ANTXR2: variants seen among roughly 807,000 people sequenced by gnomAD.
ANTXR2 encodes the protein ANTXR cell adhesion molecule 2, also known as anthrax toxin receptor 2.
Under a neutral mutation model 73.7 loss-of-function variants are expected in ANTXR2, and 44 were observed. The ratio of observed to expected loss-of-function variants is 0.60; its 90% confidence interval spans 0.47 to 0.77. ANTXR2 has a LOEUF of 0.77. Among genes scored for constraint, ANTXR2 ranks in the 30% least tolerant of loss-of-function variants. ANTXR2 has a pLI of 0.00. For missense variants in ANTXR2, 604 were observed against 592.5 expected, an observed-to-expected ratio of 1.02 and a Z score of -0.20; for synonymous variants, 217 against 205.9, an observed-to-expected ratio of 1.05 and a Z score of -0.46.
chr4:79,927,544 T>C (rs1188033087), intron 16 of ANTXR2, among the ~76,000 whole-genome samples: 3 of 152,188 alleles, frequency 2.0e-5, no homozygotes, highest in Non-Finnish European at 4.4e-5. Context: ...ACTTATAGTG[T>C]CTAATACAAT....
rs79901886 is a variant in ANTXR2, at chr4:80,054,481, T to C, written c.556-129A>G. 8.8e-3 allele frequency: 5,642 copies of C among 644,390 alleles called. 220 individuals carry two copies. The African/African-American group carries it at 0.091, about 10-fold the overall frequency. The allele number at this position is 644,390 out of a possible 1,614,324, so 39.9% of individuals were successfully genotyped here. A position where few individuals can be genotyped will look rare whatever the true frequency, so the allele number is the denominator to read the frequency against. On this transcript the variant is annotated intron_variant, in intron 6 of 16. Coordinates refer to ENST00000403729, the MANE Select transcript of ANTXR2 (RefSeq NM_058172.6). ...AGGATTAATTTACCAGCGTGATCTGTGTTCAAGGTCAGGAATTAAAGGTGA... is the reference window on the plus strand; with the variant it reads ...AGGATTAATTTACCAGCGTGATCTGCGTTCAAGGTCAGGAATTAAAGGTGA...
intron 16 of ANTXR2, among the ~76,000 whole-genome samples, chr4:79,972,752 A>C (rs1729462282): frequency 1.0e-4 from 1 of 10,002 alleles, no homozygotes; most frequent in African/African-American, 1.9e-4. Context: ...GGGGAATATC[A>C]CACTCTGGGG....
At chr4:79,923,589 A>G (rs1727670529) in intron 16 of ANTXR2, among the ~76,000 whole-genome samples, 2 of 152,126 alleles carry the variant, frequency 1.3e-5, no homozygotes, top group South Asian at 4.1e-4. Flanking sequence ...ACCAAGAGAC[A>G]GAAAAGATGG....
intron 2 of ANTXR2, 146 bp from the exon 3 acceptor site, chr4:80,069,653 C>T (rs930088525): frequency 4.2e-5 from 27 of 637,494 alleles, no homozygotes; most frequent in East Asian, 2.3e-4. Context: ...AGTAAATAGA[C>T]GAACTCTGCT....
At chr4:80,050,989 C>T (rs13110584) in intron 7 of ANTXR2, among the ~76,000 whole-genome samples, 94,422 of 151,378 alleles carry the variant, frequency 0.62, 30,256 homozygotes, top group East Asian at 0.95. Flanking sequence ...CCCCATACCT[C>T]CCATGATCCT....
chr4:80,017,548 C>T (rs1483166557), intron 11 of ANTXR2, among the ~76,000 whole-genome samples: 1 of 152,156 alleles, frequency 6.6e-6, no homozygotes, highest in East Asian at 1.9e-4. Context: ...ACCTATACAT[C>T]CCACATGAGT....
At chr4:80,001,255 C>A (rs891003579) in intron 12 of ANTXR2, among the ~76,000 whole-genome samples, 1 of 151,202 alleles carries the variant, frequency 6.6e-6, no homozygotes, top group Admixed American at 6.6e-5. Context: ...CATGCTGGTG[C>A]GCTGCACCCA....
chr4:79,901,960 C>T lies in ANTXR2; in HGVS notation c.*5469G>A, dbSNP rs1480382727. 1 of 152,170 alleles carries T rather than the reference C, an allele frequency of 6.6e-6. No individual in the cohort carries two copies. Among genetic ancestry groups the T allele is most frequent in the African/African-American group, 2.4e-5 (1 of 41,422 alleles). The allele number at this position is 152,170 out of a possible 1,614,324, so 9.4% of individuals were successfully genotyped here. A position where few individuals can be genotyped will look rare whatever the true frequency, so the allele number is the denominator to read the frequency against. ...GAAGTTTCACTTGCTTTCCACTCAT[C>T]TCCTGCTGTGTGGCCTGGTTTCTAA... On this transcript the variant is annotated 3_prime_UTR_variant, in exon 17 of 17. Coordinates refer to ENST00000403729, the MANE Select transcript of ANTXR2 (RefSeq NM_058172.6).
At chr4:79,915,796 C>CTCTCTG (rs1373931364) in intron 16 of ANTXR2, among the ~76,000 whole-genome samples, 93 of 144,636 alleles carry the variant, frequency 6.4e-4, no homozygotes, top group Non-Finnish European at 6.3e-4. Flanking sequence ...ACATCTTTCT[C>CTCTCTG]TCTCTGTCTC....
chr4:80,067,527 TC>T (rs1184842037), intron 3 of ANTXR2, among the ~76,000 whole-genome samples: 1 of 152,234 alleles, frequency 6.6e-6, no homozygotes, highest in South Asian at 2.1e-4. Context: ...TTAAAATGGT[TC>T]TTTTTTTTCT....
In ANTXR2 at chr4:79,907,306, T is replaced by G; in HGVS notation, c.*123A>C. ...GAAGGCAGAGAAAACATTTCCCGAC[T>G]GAGAGGAATTAAGCTGCTCTTCCAA... On this transcript the variant is annotated 3_prime_UTR_variant, in exon 17 of 17. Transcript: ENST00000403729. 2 of 1,038,886 alleles carry G rather than the reference T, an allele frequency of 1.9e-6. No homozygotes were observed. The highest frequency in any genetic ancestry group is 2.9e-6 in the Non-Finnish European group (2 of 681,904). The allele number at this position is 1,038,886 out of a possible 1,614,324, so 64.4% of individuals were successfully genotyped here.
chr4:80,047,312 TTA>T (rs1470173614), intron 7 of ANTXR2, among the ~76,000 whole-genome samples: 1 of 147,354 alleles, frequency 6.8e-6, no homozygotes. Flanking sequence ...AATGAATAAT[TTA>T]AAGGAAACTT....
At chr4:80,023,662 G>A (rs4596195) in intron 10 of ANTXR2, among the ~76,000 whole-genome samples, 72,945 of 152,004 alleles carry the variant, frequency 0.48, 20,139 homozygotes, top group East Asian at 0.93. Flanking sequence ...ACAGGATGAA[G>A]CTTAAAGAAT....
At chr4:80,012,377 AT>A (rs747226808) in intron 11 of ANTXR2, among the ~76,000 whole-genome samples, 8 of 152,064 alleles carry the variant, frequency 5.3e-5, no homozygotes, top group Non-Finnish European at 1.0e-4. Context: ...AGCTGAAAAA[AT>A]CAAAAGAAGA....
At chr4:79,957,960 A>C (rs960329562) in intron 16 of ANTXR2, among the ~76,000 whole-genome samples, 2 of 152,110 alleles carry the variant, frequency 1.3e-5, no homozygotes, top group Admixed American at 6.5e-5. Flanking sequence ...GAAATATACA[A>C]CCTTAAAAAC....
intron 10 of ANTXR2, among the ~76,000 whole-genome samples, chr4:80,030,872 C>T (rs971596596): frequency 6.6e-6 from 1 of 151,986 alleles, no homozygotes; most frequent in Non-Finnish European, 1.5e-5. Context: ...ATCCTATTAA[C>T]TATCTTAAAC....
Position 79,977,665 on chromosome 4 carries a change from G to C in ANTXR2, c.1384C>G (p.Gln462Glu). Residue 462 changes from glutamine (Q) to glutamate (E), a missense_variant, in exon 16 of 17, where the codon CAG (glutamine) becomes GAG (glutamate). Coordinates refer to ENST00000403729, the MANE Select transcript of ANTXR2 (RefSeq NM_058172.6). ...LDALWALLRR[Q>E]YDRVSLMRPQ... ...CGCATCAAAGAAACCCGGTCATACT[G>C]CCGCCTCAACAAAGCCCAGAGAGCA... is the stretch of plus-strand genomic sequence containing the variant. The C allele has an allele frequency of 6.3e-7, 1 of 1,581,462 alleles. No homozygotes were observed. Among genetic ancestry groups the C allele is most frequent in the East Asian group, 2.3e-5 (1 of 43,692 alleles).
intron 11 of ANTXR2, among the ~76,000 whole-genome samples, chr4:80,015,526 T>C (rs1414533605): frequency 6.6e-6 from 1 of 152,152 alleles, no homozygotes; most frequent in East Asian, 1.9e-4. Flanking sequence ...ACTAATTTAA[T>C]CTTCCCAAAA....
intron 2 of ANTXR2, among the ~76,000 whole-genome samples, chr4:80,071,276 A>G (rs1443019373): frequency 6.6e-6 from 1 of 152,208 alleles, no homozygotes; most frequent in Non-Finnish European, 1.5e-5. Flanking sequence ...TTATTTTTTT[A>G]ATGTGATAAA....
Sources: gnomAD v4.1 joint callset for allele counts (sites outside exome capture counted in the v4.1 genomes callset) on GRCh38, gnomAD v4.1.1 for gene constraint, MANE v1.5 for transcripts, NCBI Gene and HGNC (gene_info 2026-07-23, HGNC 2026-07-21) for gene names.